CPPED1: variants seen among roughly 807,000 people sequenced by gnomAD.
CPPED1 encodes the protein calcineurin like phosphoesterase domain containing 1, also known as serine/threonine-protein phosphatase CPPED1.
In CPPED1, 28 loss-of-function variants were observed where a neutral mutation model predicts 28.0. That is an observed-to-expected ratio of 1.00 (90% CI 0.74 to 1.37). CPPED1 has a LOEUF of 1.37. Ranked by LOEUF, CPPED1 falls within the 40% of genes most tolerant of loss-of-function variation. The pLI, the probability that CPPED1 is intolerant of heterozygous loss-of-function variation, is 0.00. For synonymous variants in CPPED1, 198 were observed against 180.2 expected (o/e 1.10, Z -0.79); for missense variants, 504 against 416.5 (o/e 1.21, Z -1.83).
At chr16:12,706,423 C>A (rs2080050620) in intron 2 of CPPED1, among the ~76,000 whole-genome samples, 1 of 149,948 alleles carries the variant, frequency 6.7e-6, no homozygotes. Context: ...ACTTTTGCAC[C>A]AACCTAAATA....
intron 2 of CPPED1, chr16:12,761,276 C>CAAAAAAAAAAAAAAAAAAAAA (rs55848318): frequency 1.4e-5 from 1 of 69,392 alleles, no homozygotes; most frequent in African/African-American, 5.0e-5. Context: ...GACTCTGTCT[C>CAAAAAAAAAAAAAAAAAAAAA]AAAAAAAAAA....
chr16:12,742,721 AT>A (rs2080262914), intron 2 of CPPED1, among the ~76,000 whole-genome samples: 1 of 152,134 alleles, frequency 6.6e-6, no homozygotes, highest in Non-Finnish European at 1.5e-5. Flanking sequence ...CAGTTATTTT[AT>A]TATCAGTGGG....
chr16:12,763,812 C>T (rs1437323056), intron 2 of CPPED1, among the ~76,000 whole-genome samples: 4 of 152,136 alleles, frequency 2.6e-5, no homozygotes, highest in Admixed American at 2.0e-4. Context: ...GGCAGGACTT[C>T]GGACACAGTC....
At chr16:12,723,383 C>T (rs882908) in intron 2 of CPPED1, among the ~76,000 whole-genome samples, 122,135 of 152,102 alleles carry the variant, frequency 0.8, 49,397 homozygotes, top group African/African-American at 0.9. Flanking sequence ...ATGACTGCAA[C>T]TGGACACGGG....
chr16:12,772,536 T>C (rs2080475854), intron 2 of CPPED1, among the ~76,000 whole-genome samples: 1 of 152,200 alleles, frequency 6.6e-6, no homozygotes, highest in Non-Finnish European at 1.5e-5. Context: ...TCTCCTCCAT[T>C]TGTTGGAATC....
intron 2 of CPPED1, among the ~76,000 whole-genome samples, chr16:12,732,511 G>C (rs1437576131): frequency 1.3e-5 from 2 of 149,900 alleles, no homozygotes; most frequent in South Asian, 4.2e-4. Context: ...GAGAGAGAGA[G>C]AGAGAGACAG....
At chr16:12,800,566 C>A (rs1201487415) in intron 1 of CPPED1, among the ~76,000 whole-genome samples, 1 of 152,156 alleles carries the variant, frequency 6.6e-6, no homozygotes, top group East Asian at 1.9e-4. Context: ...GCCATTGCTG[C>A]AATCAGACCA....
intron 2 of CPPED1, among the ~76,000 whole-genome samples, chr16:12,712,513 T>C (rs773927224): frequency 7.9e-5 from 12 of 152,126 alleles, no homozygotes; most frequent in South Asian, 2.1e-4. Flanking sequence ...GTAGCAACAA[T>C]TGAGAAGATA....
chr16:12,764,392 G>A (rs1034278454), intron 2 of CPPED1, among the ~76,000 whole-genome samples: 7 of 152,044 alleles, frequency 4.6e-5, no homozygotes, highest in Admixed American at 4.6e-4. Flanking sequence ...TTTGTAGAGA[G>A]GGGTTTCACC....
chr16:12,695,345 G>A (rs2079984368), intron 3 of CPPED1, among the ~76,000 whole-genome samples: 1 of 152,072 alleles, frequency 6.6e-6, no homozygotes, highest in African/African-American at 2.4e-5. Context: ...GCTCACTGCA[G>A]ACTTGGCTTC....
At chr16:12,752,327 G>C (rs942580589) in intron 2 of CPPED1, among the ~76,000 whole-genome samples, 2 of 151,992 alleles carry the variant, frequency 1.3e-5, no homozygotes, top group Non-Finnish European at 2.9e-5. Flanking sequence ...TCACTGTTAG[G>C]GGTTTAATGA....
chr16:12,765,914 T>C (rs902344034), intron 2 of CPPED1, among the ~76,000 whole-genome samples: 6 of 152,164 alleles, frequency 3.9e-5, no homozygotes, highest in African/African-American at 1.4e-4. Flanking sequence ...CCCTTTGGGA[T>C]CATGCTCCTT....
rs934531608 is a variant in CPPED1 at position 12,661,979 on chromosome 16, C to A, written c.*2907G>T. On this transcript the variant is annotated 3_prime_UTR_variant, in exon 4 of 4. Coordinates refer to ENST00000381774, the MANE Select transcript of CPPED1 (RefSeq NM_018340.3). ...GGTGCAACCTTTCACCTCTGAGAAA[C>A]GTTTTCCAAGACAGGACAGTGTTAT... The A allele has an allele frequency of 3.3e-5, 5 of 152,256 alleles. No individual in the cohort carries two copies. Among genetic ancestry groups the A allele is most frequent in the Non-Finnish European group, 7.3e-5 (5 of 68,090 alleles). 9.4% of individuals were successfully genotyped at this position (152,256 alleles called of 1,614,324 possible). A position where few individuals can be genotyped will look rare whatever the true frequency, so the allele number is the denominator to read the frequency against.
Position 12,682,306 on chromosome 16 carries a change from G to C in CPPED1, c.716-17191C>G, listed in dbSNP as rs2141172858. Among the ~76,000 whole-genome samples the C allele has an allele frequency of 6.6e-6, 1 of 152,184 alleles. No individual in the cohort carries two copies. Among genetic ancestry groups the C allele is most frequent in the East Asian group, 1.9e-4 (1 of 5,184 alleles). On this transcript the variant is annotated intron_variant, in intron 3 of 3. Coordinates refer to ENST00000381774, the MANE Select transcript of CPPED1 (RefSeq NM_018340.3). This position sits in a 1 kb window ranked among gnomAD's most constrained non-coding sequence, Gnocchi z 6.1. The stretch of plus-strand genomic sequence containing the variant: ...CACTTTGGTCTCCCAAAAGTGCTGA[G>C]ATTACAGACACGAGCCACCGCGCCC...
chr16:12,749,234 T>C (rs1195011394), intron 2 of CPPED1, among the ~76,000 whole-genome samples: 1 of 152,248 alleles, frequency 6.6e-6, no homozygotes, highest in Non-Finnish European at 1.5e-5. Context: ...GTGAATTATC[T>C]GAAACAATGC....
chr16:12,790,181 A>G (rs1016294227), intron 1 of CPPED1, among the ~76,000 whole-genome samples: 6 of 152,242 alleles, frequency 3.9e-5, no homozygotes, highest in African/African-American at 1.4e-4. Context: ...TTATGTGCCA[A>G]TATCCTGCCT....
At chr16:12,786,116 A>C (rs1178635444) in intron 1 of CPPED1, among the ~76,000 whole-genome samples, 3 of 152,200 alleles carry the variant, frequency 2.0e-5, no homozygotes, top group Non-Finnish European at 2.9e-5. Flanking sequence ...TGACAGCAGA[A>C]AGCAGCAGGT....
intron 1 of CPPED1, among the ~76,000 whole-genome samples, chr16:12,792,923 G>C (rs2080605453): frequency 6.6e-6 from 1 of 152,044 alleles, no homozygotes; most frequent in African/African-American, 2.4e-5. Context: ...CATGAGAACG[G>C]ATTAGTACAC....
chr16:12,786,791 C>T (rs1362211205), intron 1 of CPPED1, among the ~76,000 whole-genome samples: 9 of 152,262 alleles, frequency 5.9e-5, no homozygotes, highest in South Asian at 2.1e-4. Flanking sequence ...TGGTGGCATG[C>T]GCCTGTAGTC....
Sources: allele counts gnomAD v4.1 joint callset (sites outside exome capture counted in the v4.1 genomes callset), GRCh38; gene constraint gnomAD v4.1.1; non-coding constraint Gnocchi (gnomAD v3.1); transcripts MANE v1.5; gene names NCBI Gene and HGNC (gene_info 2026-07-23, HGNC 2026-07-21).